The following MCM10 variants were observed in gnomAD, a reference collection of about 807,000 sequenced individuals.
The protein encoded by MCM10 is protein MCM10 homolog.
Under a neutral mutation model 109.9 loss-of-function variants are expected in MCM10, and 91 were observed. The observed-to-expected ratio is 0.83, with a 90% CI of 0.70 to 0.99. The LOEUF is 0.99. Ranked by LOEUF, MCM10 falls within the 50% of genes least tolerant of loss-of-function variation. MCM10 has a pLI of 0.00. For missense variants in MCM10, 1,077 were observed against 1,061.2 expected (o/e 1.01, Z -0.21); for synonymous variants, 380 against 387.2 (o/e 0.98, Z 0.22).
intron 16 of MCM10, among the ~76,000 whole-genome samples, chr10:13,200,047 C>T (rs1834476638): frequency 6.6e-6 from 1 of 151,866 alleles, no homozygotes; most frequent in African/African-American, 2.4e-5. Context: ...CTCACTGCAG[C>T]CTCGAACTCC....
At chr10:13,168,253 T>C (rs79763295) in intron 2 of MCM10, among the ~76,000 whole-genome samples, 3,053 of 152,328 alleles carry the variant, frequency 0.02, 111 homozygotes, top group African/African-American at 0.064. Context: ...TCTCTTGCAC[T>C]GTGCAGCCTT....
intron 16 of MCM10, among the ~76,000 whole-genome samples, chr10:13,199,692 G>A (rs867643447): frequency 6.6e-6 from 1 of 152,190 alleles, no homozygotes; most frequent in Non-Finnish European, 1.5e-5. Flanking sequence ...ATTTCATTAT[G>A]GATTCATAAA....
At chr10:13,195,653 C>T (rs1358532759) in intron 14 of MCM10, 2 of 153,202 alleles carry the variant, frequency 1.3e-5, no homozygotes, top group Non-Finnish European at 2.9e-5. Flanking sequence ...CTCTGTCACC[C>T]AGACTGGAGT....
intron 6 of MCM10, among the ~76,000 whole-genome samples, chr10:13,180,212 C>A (rs921569191): frequency 6.6e-6 from 1 of 151,702 alleles, no homozygotes; most frequent in Admixed American, 6.6e-5. Flanking sequence ...AATTGCGCCA[C>A]TGCACTCCAG....
intron 13 of MCM10, 110 bp from the exon 14 acceptor site, chr10:13,194,931 A>T: frequency 1.1e-6 from 1 of 883,146 alleles, no homozygotes; most frequent in East Asian, 2.6e-5. Context: ...TTTTGCTAAC[A>T]ACTAGCTCCC....
intron 8 of MCM10, among the ~76,000 whole-genome samples, chr10:13,184,300 T>A (rs115374992): frequency 0.01 from 1,546 of 152,276 alleles, 22 homozygotes; most frequent in African/African-American, 0.035. Flanking sequence ...GCATGATTCC[T>A]TATATAAATT....
chr10:13,164,258 T>A, intron 2 of MCM10, 49 bp downstream of exon 2: 2 of 1,554,794 alleles, frequency 1.3e-6, no homozygotes, highest in Non-Finnish European at 8.7e-7. Flanking sequence ...AAACTAACCT[T>A]TTGTCCATGG....
intron 2 of MCM10, among the ~76,000 whole-genome samples, chr10:13,168,786 G>C (rs1359724342): frequency 1.3e-5 from 2 of 152,200 alleles, no homozygotes; most frequent in Non-Finnish European, 2.9e-5. Flanking sequence ...TTGATGAGGT[G>C]GTGGGGAGAA....
At chr10:13,191,602 G>A (rs1192134940) in intron 11 of MCM10, among the ~76,000 whole-genome samples, 1 of 152,096 alleles carries the variant, frequency 6.6e-6, no homozygotes, top group Non-Finnish European at 1.5e-5. Flanking sequence ...AGTCTTTAGG[G>A]TTGAAAATGG....
At chr10:13,188,836 C>A in intron 9 of MCM10, 45 bp from the exon 10 acceptor site, 3 of 1,545,176 alleles carry the variant, frequency 1.9e-6, no homozygotes, top group South Asian at 1.1e-5. Context: ...TGCTGTTTCC[C>A]AGCCTGTTGC....
chr10:13,172,872 C>A lies in MCM10; in HGVS notation c.592+107C>A. On this transcript the variant is annotated intron_variant, in intron 5 of 19. Transcript: ENST00000378714. The surrounding 1 kb of genome is among the most constrained non-coding windows in gnomAD (Gnocchi z 5.2). ...TGTGTCTTTTGGTCTGTCTTATGTC[C>A]CCATTGAGAAAGAAAGTTTCTTGGG... 9.6e-7 allele frequency: 1 copy of A among 1,037,002 alleles called. No individual in the cohort carries two copies. The allele number at this position is 1,037,002 out of a possible 1,614,324, so 64.2% of individuals were successfully genotyped here.
At chr10:13,185,843 C>G (rs1183404312) in intron 8 of MCM10, among the ~76,000 whole-genome samples, 2 of 152,166 alleles carry the variant, frequency 1.3e-5, no homozygotes, top group Non-Finnish European at 2.9e-5. Context: ...TCATTTCAGC[C>G]TGGACTTCCC....
At chr10:13,198,998 C>G (rs551155708) in intron 16 of MCM10, among the ~76,000 whole-genome samples, 191 bp downstream of exon 16, 1 of 152,138 alleles carries the variant, frequency 6.6e-6, no homozygotes, top group South Asian at 2.1e-4. Context: ...CAGGTTCAAG[C>G]GATTCTCCTG....
intron 14 of MCM10, among the ~76,000 whole-genome samples, chr10:13,196,930 G>A (rs1266978900): frequency 6.7e-6 from 1 of 149,606 alleles, no homozygotes; most frequent in African/African-American, 2.5e-5. Flanking sequence ...CTCTTTTTTT[G>A]TGTGTTTGTT....
rs758400682 is a variant in MCM10 at position 13,191,288 on chromosome 10, TGTC to T, written c.1416-10_1416-8del. The T allele has an allele frequency of 7.5e-6, 12 of 1,600,476 alleles. No homozygotes were observed. Among genetic ancestry groups the T allele is most frequent in the Admixed American group, 1.7e-5 (1 of 59,972 alleles). On this transcript the variant is annotated splice_polypyrimidine_tract_variant and splice_region_variant and intron_variant, in intron 10 of 19. Transcript: ENST00000378714. The stretch of plus-strand genomic sequence containing the variant: ...AGTGATTCTCCTTTTGGGGGTGACT[TGTC>T]ATTTCAGTGCAGCAGCTGTGGCTCC...
intron 14 of MCM10, 35 bp downstream of exon 14, chr10:13,195,304 T>TG (rs1389397129): frequency 1.3e-6 from 2 of 1,519,242 alleles, no homozygotes; most frequent in African/African-American, 2.7e-5. Context: ...CACTTGAGTT[T>TG]GCATTCTGTA....
intron 13 of MCM10, among the ~76,000 whole-genome samples, chr10:13,194,188 A>C (rs1024094525): frequency 1.3e-5 from 2 of 152,124 alleles, no homozygotes; most frequent in Non-Finnish European, 1.5e-5. Flanking sequence ...AAATGGCGAA[A>C]TCCTGTCTCT....
In MCM10 at chr10:13,205,223, G is replaced by A. The variant is rs1046790378; in HGVS notation, c.2498+859G>A. Among the ~76,000 whole-genome samples the A allele has an allele frequency of 4.0e-5, 6 of 151,530 alleles. 1 individual carries two copies. The highest frequency in any genetic ancestry group is 5.9e-5 in the Non-Finnish European group (4 of 67,972). ...CCCACCCTTCGGTGTCTATTATTCC[G>A]CCTTCTGTGTCCTTGCATACACATG... On this transcript the variant is annotated intron_variant, in intron 18 of 19. Transcript: ENST00000378714.
intron 17 of MCM10, among the ~76,000 whole-genome samples, chr10:13,202,909 G>A (rs3781078): frequency 0.83 from 126,557 of 152,112 alleles, 52,919 homozygotes; most frequent in South Asian, 0.88. Flanking sequence ...CAGTGGCACA[G>A]TCTCGGCTCA....
Sources: allele counts gnomAD v4.1 joint callset (sites outside exome capture counted in the v4.1 genomes callset), GRCh38; gene constraint gnomAD v4.1.1; non-coding constraint Gnocchi (gnomAD v3.1); transcripts MANE v1.5; gene names NCBI Gene and HGNC (gene_info 2026-07-23, HGNC 2026-07-21).